Variants in STOX2 observed in about 807,000 individuals in gnomAD.
The protein encoded by STOX2 is storkhead box 2.
Under a neutral mutation model 60.9 loss-of-function variants are expected in STOX2, and 28 were observed. The observed-to-expected ratio is 0.46, with a 90% CI of 0.34 to 0.63. STOX2 has a LOEUF of 0.63. STOX2 is among the 30% of genes least tolerant of loss of function. STOX2 has a pLI of 0.01. For synonymous variants in STOX2, 472 were observed against 463.9 expected (o/e 1.02, Z -0.22); for missense variants, 1,024 against 1,187.7 (o/e 0.86, Z 2.03).
intron 1 of STOX2, among the ~76,000 whole-genome samples, chr4:183,859,881 A>G (rs146158764): frequency 6.7e-4 from 101 of 151,168 alleles, no homozygotes; most frequent in African/African-American, 2.5e-3. Context: ...TATTCTGTAT[A>G]TTAGGATTTG....
Position 183,825,083 on chromosome 4 carries a change from G to C in STOX2, c.364+27028G>C, listed in dbSNP as rs1244287149. 6.6e-6 allele frequency among the ~76,000 whole-genome samples: 1 copy of C among 152,182 alleles called. No individual in the cohort carries two copies. The highest frequency in any genetic ancestry group is 1.9e-4 in the East Asian group (1 of 5,196). On this transcript the variant is annotated intron_variant, in intron 1 of 2. Coordinates refer to the STOX2 transcript ENST00000513034. The surrounding 1 kb of genome is among the most constrained non-coding windows in gnomAD (Gnocchi z 4.1). Reference sequence around the variant, plus strand: ...TGGTGGATAATCCCTGGCTCTTAAGGACCAAGGAGGCTGCTCATCAAAGAC... The same window carrying C: ...TGGTGGATAATCCCTGGCTCTTAAGCACCAAGGAGGCTGCTCATCAAAGAC...
chr4:183,881,947 C>G (rs1355798952), intron 1 of STOX2, among the ~76,000 whole-genome samples: 3 of 152,170 alleles, frequency 2.0e-5, no homozygotes, highest in Non-Finnish European at 4.4e-5. Flanking sequence ...CGTATTTCGA[C>G]TGGTTTGAAC....
intron 1 of STOX2, chr4:183,987,648 C>T (rs930745443): frequency 6.6e-6 from 1 of 152,234 alleles, no homozygotes; most frequent in Non-Finnish European, 1.5e-5. Flanking sequence ...CCACGCCGCC[C>T]TCCTCGCAGC....
intron 1 of STOX2, among the ~76,000 whole-genome samples, chr4:183,818,227 G>A (rs1393572138): frequency 6.6e-6 from 1 of 151,950 alleles, no homozygotes; most frequent in Non-Finnish European, 1.5e-5. Context: ...GGTTTTCCTA[G>A]GCAGAGGACC....
At chr4:183,902,304 A>G (rs1741479758), upstream of STOX2, among the ~76,000 whole-genome samples, 1 of 152,264 alleles carries the variant, frequency 6.6e-6, no homozygotes. Context: ...ATTTAAGATT[A>G]CAAGTCTAAA....
intron 1 of STOX2, among the ~76,000 whole-genome samples, chr4:183,963,826 A>G (rs1269075725): frequency 3.4e-5 from 5 of 148,116 alleles, no homozygotes; most frequent in Admixed American, 6.8e-5. Flanking sequence ...CCCAGGCTGG[A>G]GTGCAGTGGC....
chr4:183,884,283 A>G (rs908010142), intron 1 of STOX2, among the ~76,000 whole-genome samples: 2 of 148,392 alleles, frequency 1.3e-5, no homozygotes, highest in Non-Finnish European at 3.0e-5. Flanking sequence ...AGACTGGGTC[A>G]TCTTTGTTGG....
chr4:183,908,584 G>A (rs1246686111), intron 1 of STOX2, among the ~76,000 whole-genome samples: 1 of 133,646 alleles, frequency 7.5e-6, no homozygotes, highest in Non-Finnish European at 1.6e-5. Context: ...CACATTTCCA[G>A]GCAGCCAGTT....
chr4:183,904,342 T>C (rs145205055), upstream of STOX2, among the ~76,000 whole-genome samples: 117 of 152,356 alleles, frequency 7.7e-4, no homozygotes, highest in Middle Eastern at 3.4e-3. Flanking sequence ...GGCCTGGGAA[T>C]TGGGGATCCC....
chr4:183,807,264 G>T (rs1432396325), intron 1 of STOX2, among the ~76,000 whole-genome samples: 1 of 152,174 alleles, frequency 6.6e-6, no homozygotes, highest in Admixed American at 6.5e-5. Flanking sequence ...GAACCACCGC[G>T]CCCGGCCTCT....
chr4:183,924,487 C>T (rs1742185158), intron 1 of STOX2, among the ~76,000 whole-genome samples: 1 of 152,058 alleles, frequency 6.6e-6, no homozygotes. Flanking sequence ...CAGGCAGTGC[C>T]CTCTCTCTGG....
rs574696117 is a variant in STOX2 at position 183,896,723 on chromosome 4, G to C, written c.364+98668G>C. ...GATTTACAGCTCATCTGATCTTCAC[G>C]ATTTTGTAACGAGTTTGGGAGTAAC... On this transcript the variant is annotated intron_variant, in intron 1 of 2. Transcript: ENST00000513034. Among the ~76,000 whole-genome samples the C allele has an allele frequency of 2.6e-5, 4 of 152,258 alleles. No homozygotes were observed. In the South Asian group the frequency reaches 8.3e-4, roughly 32 times the overall value.
chr4:183,878,612 C>A (rs1038310872), intron 1 of STOX2, among the ~76,000 whole-genome samples: 1 of 152,150 alleles, frequency 6.6e-6, no homozygotes, highest in Non-Finnish European at 1.5e-5. Context: ...AAAGCATGTT[C>A]ATTGTGCACC....
At chr4:183,833,304 T>C (rs1448704092) in intron 1 of STOX2, among the ~76,000 whole-genome samples, 1 of 152,150 alleles carries the variant, frequency 6.6e-6, no homozygotes, top group African/African-American at 2.4e-5. Context: ...AGCAGAACGC[T>C]TAGGTCTGGC....
chr4:183,843,962 A>G (rs898897291), intron 1 of STOX2, among the ~76,000 whole-genome samples: 9 of 152,208 alleles, frequency 5.9e-5, no homozygotes, highest in Non-Finnish European at 1.0e-4. Flanking sequence ...TAAAATTCTG[A>G]AAATAAATTA....
intron 1 of STOX2, among the ~76,000 whole-genome samples, chr4:183,861,255 C>A (rs1740434950): frequency 1.3e-5 from 2 of 152,096 alleles, no homozygotes; most frequent in African/African-American, 4.8e-5. Flanking sequence ...AGCTGCCCCC[C>A]ACCACTGAGG....
At position 183,801,786 on chromosome 4, in the gene STOX2, AG is replaced by A. The variant is rs1171576386; in HGVS notation, c.364+3732del. Among the ~76,000 whole-genome samples the A allele has an allele frequency of 3.9e-5, 6 of 152,208 alleles. No individual in the cohort carries two copies. The South Asian group carries it at 1.2e-3, about 32-fold the overall frequency. Reference sequence around the variant, plus strand: ...AAAGGTGGGAGAGGGCCAGATGTGAAGATCTAGAAGCCACTGGAGGCTTCTA... The same window carrying A: ...AAAGGTGGGAGAGGGCCAGATGTGAAATCTAGAAGCCACTGGAGGCTTCTA... On this transcript the variant is annotated intron_variant, in intron 1 of 2. Transcript: ENST00000513034.
chr4:183,872,040 A>G (rs1740705076), intron 1 of STOX2, among the ~76,000 whole-genome samples: 2 of 152,280 alleles, frequency 1.3e-5, no homozygotes, highest in South Asian at 4.1e-4. Flanking sequence ...TTGTGCCAAG[A>G]CAGCATGGCA....
rs558601655 is a variant in STOX2, at chr4:183,917,063, C to T, written c.166+10107C>T. Among the ~76,000 whole-genome samples, 7 of 152,330 alleles carry T rather than the reference C, an allele frequency of 4.6e-5. No individual in the cohort carries two copies. The South Asian group carries it at 6.2e-4, about 14-fold the overall frequency. On this transcript the variant is annotated intron_variant, in intron 1 of 3. Coordinates refer to ENST00000308497, the MANE Select transcript of STOX2 (RefSeq NM_020225.3). ...CTTTCAGGCCGTGGCTCGGGTCTGA[C>T]GTGGCTTTGTACTCCCAGTGTCTAG...
Sources: gnomAD v4.1 joint callset for allele counts (sites outside exome capture counted in the v4.1 genomes callset) on GRCh38, gnomAD v4.1.1 for gene constraint, Gnocchi (gnomAD v3.1) non-coding constraint, MANE v1.5 for transcripts, NCBI Gene and HGNC (gene_info 2026-07-23, HGNC 2026-07-21) for gene names.